Variants in RAP1GDS1 observed in about 807,000 individuals in gnomAD.
RAP1GDS1 encodes Rap1 GTPase-GDP dissociation stimulator 1, also known as RAP1, GTP-GDP dissociation stimulator 1.
In RAP1GDS1, 35 loss-of-function variants were observed where a neutral mutation model predicts 71.1. That is an observed-to-expected ratio of 0.49 (90% CI 0.38 to 0.65). The LOEUF (loss-of-function observed/expected upper bound fraction) is 0.65, where lower values mean the gene tolerates loss of function less well. Ranked by LOEUF, RAP1GDS1 falls within the 30% of genes least tolerant of loss-of-function variation. The pLI is 0.00. For synonymous variants in RAP1GDS1, 229 were observed against 243.1 expected (o/e 0.94, Z 0.54); for missense variants, 663 against 706.1 (o/e 0.94, Z 0.69).
At chr4:98,362,624 G>C (rs536308022) in intron 4 of RAP1GDS1, among the ~76,000 whole-genome samples, 8 of 152,298 alleles carry the variant, frequency 5.3e-5, no homozygotes, top group African/African-American at 1.4e-4. Flanking sequence ...AGAATGGCCA[G>C]TATTTCAGAC....
chr4:98,373,663 A>G (rs1740733206), intron 4 of RAP1GDS1, among the ~76,000 whole-genome samples: 1 of 152,192 alleles, frequency 6.6e-6, no homozygotes, highest in African/African-American at 2.4e-5. Context: ...CTCAGTGGAC[A>G]CTTGAAACCA....
chr4:98,286,792 A>G (rs1726099779), intron 1 of RAP1GDS1, among the ~76,000 whole-genome samples: 1 of 151,248 alleles, frequency 6.6e-6, no homozygotes, highest in Admixed American at 6.6e-5. Context: ...AGGCTGAGGC[A>G]GGAGAATCCC....
intron 6 of RAP1GDS1, among the ~76,000 whole-genome samples, chr4:98,400,547 A>G (rs1745251687): frequency 1.3e-5 from 2 of 151,282 alleles, no homozygotes; most frequent in African/African-American, 4.9e-5. Context: ...AAAAAAAAAA[A>G]CGGATACTAG....
In RAP1GDS1 at chr4:98,395,288, C is replaced by T. The variant is rs80309557; in HGVS notation, c.637+3208C>T. 2.4e-3 allele frequency among the ~76,000 whole-genome samples: 370 copies of T among 152,244 alleles called. 2 individuals carry two copies. Among genetic ancestry groups the T allele is most frequent in the African/African-American group, 8.3e-3 (345 of 41,556 alleles). On this transcript the variant is annotated intron_variant, in intron 6 of 14. Coordinates refer to ENST00000408927, the MANE Select transcript of RAP1GDS1 (RefSeq NM_001100427.2). ...TAATTAAAACATTTGGTTTATTCAA[C>T]TTTTAAAAGTCATTAGGCAATTAAA...
chr4:98,436,309 A>G (rs1751131989), intron 13 of RAP1GDS1, among the ~76,000 whole-genome samples: 1 of 152,242 alleles, frequency 6.6e-6, no homozygotes, highest in East Asian at 1.9e-4. Context: ...GCCACCAGTA[A>G]TATGCTATCT....
intron 7 of RAP1GDS1, among the ~76,000 whole-genome samples, chr4:98,413,189 C>G (rs1006321913): frequency 6.6e-6 from 1 of 151,492 alleles, no homozygotes; most frequent in Non-Finnish European, 1.5e-5. Context: ...GACCTCCCCC[C>G]AGGAATGCAA....
At chr4:98,343,434 A>G in intron 3 of RAP1GDS1, 173 bp downstream of exon 3, 3 of 761,024 alleles carry the variant, frequency 3.9e-6, no homozygotes, top group Non-Finnish European at 6.2e-6. Flanking sequence ...AGTTACAGTC[A>G]TTCATACCTG....
chr4:98,267,703 T>C (rs1022413734), intron 1 of RAP1GDS1, among the ~76,000 whole-genome samples: 1 of 152,206 alleles, frequency 6.6e-6, no homozygotes. Flanking sequence ...GTGCATAGTA[T>C]TCCATGGTAT....
At chr4:98,429,981 T>C (rs1750165089) in intron 12 of RAP1GDS1, among the ~76,000 whole-genome samples, 2 of 152,082 alleles carry the variant, frequency 1.3e-5, no homozygotes, top group Non-Finnish European at 2.9e-5. Context: ...CTTAGAAACA[T>C]CTGAATTTAG....
At chr4:98,298,272 A>G (rs781249330) in intron 2 of RAP1GDS1, among the ~76,000 whole-genome samples, 20 of 152,228 alleles carry the variant, frequency 1.3e-4, no homozygotes, top group Non-Finnish European at 1.5e-5. Context: ...AGATCTAGCT[A>G]AAATCATTGA....
chr4:98,418,630 G>T, intron 9 of RAP1GDS1, 27 bp from the exon 10 acceptor site: 1 of 1,571,828 alleles, frequency 6.4e-7, no homozygotes, highest in Non-Finnish European at 8.6e-7. Context: ...TAAAGAGGAA[G>T]AAAAAGATGT....
intron 6 of RAP1GDS1, 81 bp downstream of exon 6, chr4:98,392,161 T>C: frequency 3.9e-6 from 5 of 1,288,022 alleles, no homozygotes; most frequent in Non-Finnish European, 5.3e-6. Flanking sequence ...ATTAAGAAGC[T>C]AGAAATCCAT....
chr4:98,279,199 G>C (rs953599775), intron 1 of RAP1GDS1, among the ~76,000 whole-genome samples: 1 of 151,948 alleles, frequency 6.6e-6, no homozygotes, highest in African/African-American at 2.4e-5. Context: ...ACTCCAGCCT[G>C]GGCGACAGAG....
intron 2 of RAP1GDS1, among the ~76,000 whole-genome samples, chr4:98,335,002 G>T (rs1560857431): frequency 6.6e-6 from 1 of 150,908 alleles, no homozygotes; most frequent in Non-Finnish European, 1.5e-5. Flanking sequence ...TTTTTAAAAA[G>T]AGAGTTTGAA....
At chr4:98,440,493 C>A (rs945486427) in intron 14 of RAP1GDS1, among the ~76,000 whole-genome samples, 1 of 152,214 alleles carries the variant, frequency 6.6e-6, no homozygotes, top group African/African-American at 2.4e-5. Flanking sequence ...ATTATCATTT[C>A]TCAACATCCT....
intron 4 of RAP1GDS1, among the ~76,000 whole-genome samples, chr4:98,372,053 C>T (rs993578145): frequency 5.9e-5 from 9 of 151,986 alleles, no homozygotes; most frequent in Admixed American, 1.3e-4. Flanking sequence ...GGTTTATTTC[C>T]GAACCTAGTT....
At chr4:98,275,977 C>G (rs1441218549) in intron 1 of RAP1GDS1, among the ~76,000 whole-genome samples, 1 of 152,130 alleles carries the variant, frequency 6.6e-6, no homozygotes, top group Non-Finnish European at 1.5e-5. Context: ...TGCTAGAGTA[C>G]TGTCTGAGTT....
At chr4:98,289,756 A>G (rs1013684590) in intron 1 of RAP1GDS1, among the ~76,000 whole-genome samples, 1 of 152,128 alleles carries the variant, frequency 6.6e-6, no homozygotes, top group Non-Finnish European at 1.5e-5. Flanking sequence ...AAAACATAAT[A>G]TTCAAGAGAG....
chr4:98,420,275 G>A (rs1748630222), intron 11 of RAP1GDS1, 131 bp downstream of exon 11: 5 of 897,510 alleles, frequency 5.6e-6, no homozygotes, highest in African/African-American at 1.8e-5. Context: ...AGATTTAAAA[G>A]TTGGTTTTGG....
Sources: gnomAD v4.1 joint callset for allele counts (sites outside exome capture counted in the v4.1 genomes callset) on GRCh38, gnomAD v4.1.1 for gene constraint, MANE v1.5 for transcripts, NCBI Gene and HGNC (gene_info 2026-07-23, HGNC 2026-07-21) for gene names.